UNC5D: variants seen among roughly 807,000 people sequenced by gnomAD.
UNC5D encodes the protein netrin receptor UNC5D.
A neutral mutation model predicts 105.4 loss-of-function variants in UNC5D; 39 were observed. The observed-to-expected ratio is 0.37, with a 90% CI of 0.29 to 0.48. The LOEUF (loss-of-function observed/expected upper bound fraction) is 0.48, where lower values mean the gene tolerates loss of function less well. UNC5D is among the 20% of genes least tolerant of loss of function. UNC5D has a pLI of 0.98. For missense variants in UNC5D, 991 were observed against 1,202.4 expected, an observed-to-expected ratio of 0.82 and a Z score of 2.60; for synonymous variants, 452 against 450.4, an observed-to-expected ratio of 1.00 and a Z score of -0.04.
intron 4 of UNC5D, among the ~76,000 whole-genome samples, chr8:35,616,667 A>G (rs143104185): frequency 1.3e-5 from 2 of 152,232 alleles, no homozygotes; most frequent in African/African-American, 2.4e-5. Context: ...CTCCTCTCCA[A>G]TTTGTTTCCT....
chr8:35,246,111 C>CT (rs1803077600), intron 1 of UNC5D, among the ~76,000 whole-genome samples: 1 of 152,140 alleles, frequency 6.6e-6, no homozygotes, highest in Non-Finnish European at 1.5e-5. Flanking sequence ...TGAAACATCA[C>CT]TTTTTTCTCT....
At chr8:35,770,044 T>G (rs776538685) in intron 15 of UNC5D, among the ~76,000 whole-genome samples, 1 of 152,052 alleles carries the variant, frequency 6.6e-6, no homozygotes, top group South Asian at 2.1e-4. Context: ...ACGCAAAAAG[T>G]GCTGAGAAAT....
chr8:35,287,597 C>A (rs1806701323), intron 1 of UNC5D, among the ~76,000 whole-genome samples: 1 of 150,916 alleles, frequency 6.6e-6, no homozygotes, highest in African/African-American at 2.4e-5. Flanking sequence ...AGTTCAAGAC[C>A]AGACTAAGCA....
chr8:35,491,551 A>G (rs1811216978), intron 1 of UNC5D, among the ~76,000 whole-genome samples: 1 of 152,150 alleles, frequency 6.6e-6, no homozygotes, highest in African/African-American at 2.4e-5. Context: ...AGACTCCTGC[A>G]TTATTATCCT....
At chr8:35,595,190 A>G (rs1586206840) in intron 3 of UNC5D, among the ~76,000 whole-genome samples, 1 of 152,366 alleles carries the variant, frequency 6.6e-6, no homozygotes, top group African/African-American at 2.4e-5. Flanking sequence ...TCTCAACTGC[A>G]TAATAGCTGT....
intron 4 of UNC5D, among the ~76,000 whole-genome samples, chr8:35,635,940 A>G (rs1205960051): frequency 2.0e-5 from 3 of 152,188 alleles, no homozygotes; most frequent in East Asian, 1.9e-4. Flanking sequence ...CGGAAACCAA[A>G]TAAGTAAAAT....
chr8:35,515,874 C>A (rs984970670), intron 1 of UNC5D, among the ~76,000 whole-genome samples: 1 of 152,036 alleles, frequency 6.6e-6, no homozygotes, highest in Non-Finnish European at 1.5e-5. Context: ...CATAATAAGA[C>A]CCCTTCAGCT....
chr8:35,390,673 T>C (rs1413507372), intron 1 of UNC5D, among the ~76,000 whole-genome samples: 3 of 152,254 alleles, frequency 2.0e-5, no homozygotes, highest in Non-Finnish European at 4.4e-5. Context: ...TCATTAATCC[T>C]AGCTAAGTCT....
At chr8:35,347,633 A>G (rs1811900518) in intron 1 of UNC5D, among the ~76,000 whole-genome samples, 1 of 152,022 alleles carries the variant, frequency 6.6e-6, no homozygotes, top group Non-Finnish European at 1.5e-5. Flanking sequence ...ATCATACCTT[A>G]CTGCTCAAAC....
chr8:35,420,444 T>C (rs1353784661), intron 1 of UNC5D, among the ~76,000 whole-genome samples: 2 of 152,200 alleles, frequency 1.3e-5, no homozygotes, highest in African/African-American at 4.8e-5. Flanking sequence ...ATAAAGGTGA[T>C]TGCCAATGCG....
At chr8:35,500,603 T>C (rs1811901875) in intron 1 of UNC5D, among the ~76,000 whole-genome samples, 1 of 152,218 alleles carries the variant, frequency 6.6e-6, no homozygotes, top group African/African-American at 2.4e-5. Context: ...CTCACAACAC[T>C]GTCTGTAAAC....
chr8:35,723,781 AT>A (rs1828715635), intron 9 of UNC5D, among the ~76,000 whole-genome samples: 1 of 152,194 alleles, frequency 6.6e-6, no homozygotes. Context: ...ATCTTAGACC[AT>A]AACACTTGAA....
chr8:35,551,397 A>G (rs536131653), intron 2 of UNC5D, among the ~76,000 whole-genome samples: 9 of 152,354 alleles, frequency 5.9e-5, no homozygotes, highest in East Asian at 5.8e-4. Context: ...TCATTAGGAA[A>G]GAACGAAGCC....
chr8:35,601,812 C>T (rs1176026100), intron 4 of UNC5D, among the ~76,000 whole-genome samples: 3 of 152,042 alleles, frequency 2.0e-5, no homozygotes, highest in Non-Finnish European at 2.9e-5. Flanking sequence ...GCCTGATTGC[C>T]CTGGCCAGAA....
intron 1 of UNC5D, among the ~76,000 whole-genome samples, chr8:35,270,418 C>T (rs754561801): frequency 6.6e-5 from 10 of 152,142 alleles, no homozygotes; most frequent in Non-Finnish European, 1.3e-4. Flanking sequence ...CATTCTCTCC[C>T]GATTGTCTCA....
intron 15 of UNC5D, 72 bp from the exon 16 acceptor site, chr8:35,774,227 T>A (rs1422736265): frequency 6.4e-7 from 1 of 1,567,744 alleles, no homozygotes; most frequent in Non-Finnish European, 8.7e-7. Context: ...CCAGATTTTC[T>A]TAAAAAATGA....
intron 1 of UNC5D, among the ~76,000 whole-genome samples, chr8:35,316,027 A>G (rs1419746088): frequency 1.3e-5 from 2 of 152,188 alleles, no homozygotes; most frequent in African/African-American, 4.8e-5. Flanking sequence ...GTCGAGCTAC[A>G]TGATGGAGAA....
intron 1 of UNC5D, among the ~76,000 whole-genome samples, chr8:35,382,098 A>G (rs1373777438): frequency 6.6e-6 from 1 of 152,216 alleles, no homozygotes; most frequent in African/African-American, 2.4e-5. Flanking sequence ...GCACAGATAC[A>G]TTTTTAAGTA....
intron 1 of UNC5D, among the ~76,000 whole-genome samples, chr8:35,400,767 G>A (rs911547265): frequency 6.6e-6 from 1 of 152,030 alleles, no homozygotes; most frequent in African/African-American, 2.4e-5. Flanking sequence ...ATAATCCTTC[G>A]TCACCCCTCT....
Sources: allele counts gnomAD v4.1 joint callset (sites outside exome capture counted in the v4.1 genomes callset), GRCh38; gene constraint gnomAD v4.1.1; transcripts MANE v1.5; gene names NCBI Gene and HGNC (gene_info 2026-07-23, HGNC 2026-07-21).